The following GPR158 variants were observed in gnomAD, a reference collection of about 807,000 sequenced individuals.
GPR158 encodes metabotropic glycine receptor.
Under a neutral mutation model 78.2 loss-of-function variants are expected in GPR158, and 30 were observed. The observed-to-expected ratio is 0.38, with a 90% CI of 0.29 to 0.52. The LOEUF is 0.52. GPR158 is among the 20% of genes least tolerant of loss of function. GPR158 has a pLI of 0.83. For missense variants in GPR158, 1,463 were observed against 1,523.5 expected (o/e 0.96, Z 0.66); for synonymous variants, 581 against 591.1 (o/e 0.98, Z 0.25).
rs1171322766 is a variant in GPR158 at position 25,176,795 on chromosome 10, C to T, written c.902+473C>T. Among the ~76,000 whole-genome samples, 1 of 152,224 alleles carries T rather than the reference C, an allele frequency of 6.6e-6. No homozygotes were observed. Among genetic ancestry groups the T allele is most frequent in the Non-Finnish European group, 1.5e-5 (1 of 68,046 alleles). On this transcript the variant is annotated intron_variant, in intron 1 of 10. Coordinates refer to ENST00000376351, the MANE Select transcript of GPR158 (RefSeq NM_020752.3). This position sits in a 1 kb window ranked among gnomAD's most constrained non-coding sequence, Gnocchi z 6.3. ...TTCTGCCACTTTGGGGTAGCCTCTG[C>T]CTGCTTCCTACGTGTGCAGTTGGGG...
intron 5 of GPR158, among the ~76,000 whole-genome samples, chr10:25,469,493 C>T (rs2130621046): frequency 6.6e-6 from 1 of 152,164 alleles, no homozygotes; most frequent in Middle Eastern, 3.4e-3. Flanking sequence ...TTTTAAAATA[C>T]AGCAAGAATC....
At chr10:25,382,374 G>A (rs1834166674) in intron 2 of GPR158, among the ~76,000 whole-genome samples, 1 of 152,174 alleles carries the variant, frequency 6.6e-6, no homozygotes, top group South Asian at 2.1e-4. Flanking sequence ...TGTTTTGTGA[G>A]AGCTGGCTCC....
In GPR158 at chr10:25,292,451, G is replaced by A. The variant is rs185473442; in HGVS notation, c.1008+71294G>A. ...CTTTCCTTTTTGATGACTTTCCCAC[G>A]ATGAGTAGACAATTCAAAGCATTTC... On this transcript the variant is annotated intron_variant, in intron 2 of 10. Transcript: ENST00000376351. Among the ~76,000 whole-genome samples, 15 of 151,936 alleles carry A rather than the reference G, an allele frequency of 9.9e-5. No individual in the cohort carries two copies. The East Asian group carries it at 1.9e-3, about 20-fold the overall frequency.
At chr10:25,317,716 G>GTTGTTTTTTTTTT (rs1854876511) in intron 2 of GPR158, among the ~76,000 whole-genome samples, 1 of 134,064 alleles carries the variant, frequency 7.5e-6, no homozygotes, top group South Asian at 2.4e-4. Context: ...TTCGTAAAGT[G>GTTGTTTTTTTTTT]TTTTTTTTTG....
At chr10:25,307,431 T>G (rs111601740) in intron 2 of GPR158, among the ~76,000 whole-genome samples, 6,885 of 148,402 alleles carry the variant, frequency 0.046, 340 homozygotes, top group African/African-American at 0.13. Context: ...TATCTCAGGT[T>G]GGAATGCAGT....
chr10:25,437,657 A>G (rs796662151), intron 4 of GPR158, among the ~76,000 whole-genome samples: 3 of 152,340 alleles, frequency 2.0e-5, no homozygotes, highest in African/African-American at 7.2e-5. Context: ...AGCCTATTAG[A>G]TTGATTTGAT....
intron 2 of GPR158, among the ~76,000 whole-genome samples, chr10:25,315,602 T>G (rs1854835622): frequency 6.6e-6 from 1 of 151,654 alleles, no homozygotes; most frequent in Non-Finnish European, 1.5e-5. Flanking sequence ...TTGTATTTGA[T>G]CTCAACTCTG....
chr10:25,544,338 T>A (rs35650576), intron 5 of GPR158, among the ~76,000 whole-genome samples: 41,022 of 151,896 alleles, frequency 0.27, 6,311 homozygotes, highest in Non-Finnish European at 0.35. Context: ...AGGCAGTTCT[T>A]CCAGTAAAGG....
intron 1 of GPR158, among the ~76,000 whole-genome samples, chr10:25,186,565 C>T (rs988047099): frequency 2.0e-5 from 3 of 152,046 alleles, no homozygotes; most frequent in Admixed American, 6.6e-5. Flanking sequence ...CACAGAAATA[C>T]GAACTACCAT....
At chr10:25,505,280 A>G (rs1003271459) in intron 5 of GPR158, among the ~76,000 whole-genome samples, 6 of 152,204 alleles carry the variant, frequency 3.9e-5, no homozygotes, top group African/African-American at 1.4e-4. Context: ...CCAAGAGTCT[A>G]TGCTGCTCTG....
chr10:25,522,182 A>G (rs1464636844), intron 5 of GPR158, among the ~76,000 whole-genome samples: 1 of 152,198 alleles, frequency 6.6e-6, no homozygotes, highest in Non-Finnish European at 1.5e-5. Context: ...GTATTGACAT[A>G]GGTATTCTCA....
At chr10:25,438,587 A>G (rs1012215555) in intron 4 of GPR158, among the ~76,000 whole-genome samples, 3 of 152,228 alleles carry the variant, frequency 2.0e-5, no homozygotes, top group African/African-American at 7.2e-5. Flanking sequence ...TAGCATCTTC[A>G]GTTACAAATG....
intron 2 of GPR158, among the ~76,000 whole-genome samples, chr10:25,357,709 A>T (rs911133456): frequency 1.3e-5 from 2 of 152,116 alleles, no homozygotes; most frequent in Non-Finnish European, 2.9e-5. Flanking sequence ...GTCCAGGCAG[A>T]AGTTTGCTAC....
rs773908013 is a variant in GPR158 at position 25,211,639 on chromosome 10, C to T, written c.903-9413C>T. On this transcript the variant is annotated intron_variant, in intron 1 of 10. Coordinates refer to ENST00000376351, the MANE Select transcript of GPR158 (RefSeq NM_020752.3). Reference sequence around the variant, plus strand: ...CACTGGGGATGAAGTTCCTAACACACGAACTCTGGGGGACACATTTAAGCC... The same window carrying T: ...CACTGGGGATGAAGTTCCTAACACATGAACTCTGGGGGACACATTTAAGCC... Among the ~76,000 whole-genome samples the T allele has an allele frequency of 2.4e-3, 369 of 152,296 alleles. 5 individuals carry two copies. Among genetic ancestry groups the T allele is most frequent in the Non-Finnish European group, 2.8e-3 (190 of 68,024 alleles).
intron 7 of GPR158, among the ~76,000 whole-genome samples, chr10:25,588,011 A>C (rs1355051965): frequency 6.6e-6 from 1 of 152,228 alleles, no homozygotes; most frequent in Non-Finnish European, 1.5e-5. Context: ...AGGTCATGCC[A>C]CTAAGATAGA....
intron 5 of GPR158, among the ~76,000 whole-genome samples, chr10:25,547,240 G>A (rs926202559): frequency 9.2e-5 from 14 of 152,062 alleles, no homozygotes; most frequent in Non-Finnish European, 1.3e-4. Context: ...TGCTGTAGCC[G>A]GATGGATTCC....
At chr10:25,354,457 C>T (rs1325201761) in intron 2 of GPR158, among the ~76,000 whole-genome samples, 1 of 151,882 alleles carries the variant, frequency 6.6e-6, no homozygotes, top group Admixed American at 6.6e-5. Flanking sequence ...TACACTTTAG[C>T]TCCATTCCCC....
intron 7 of GPR158, among the ~76,000 whole-genome samples, chr10:25,574,101 T>C (rs10828829): frequency 0.46 from 65,116 of 142,504 alleles, 15,224 homozygotes; most frequent in African/African-American, 0.52. Flanking sequence ...CATTTCCTTG[T>C]ATTCTTATGA....
intron 2 of GPR158, among the ~76,000 whole-genome samples, chr10:25,377,402 A>C (rs573063163): frequency 1.3e-5 from 2 of 152,182 alleles, no homozygotes; most frequent in South Asian, 2.1e-4. Context: ...TTCACATACT[A>C]TAAAATTTAC....
Sources: gnomAD v4.1 joint callset for allele counts (sites outside exome capture counted in the v4.1 genomes callset) on GRCh38, gnomAD v4.1.1 for gene constraint, Gnocchi (gnomAD v3.1) non-coding constraint, MANE v1.5 for transcripts, NCBI Gene and HGNC (gene_info 2026-07-23, HGNC 2026-07-21) for gene names.